Variants in DLG2 observed in about 807,000 individuals in gnomAD.
DLG2 encodes discs large MAGUK scaffold protein 2.
Under a neutral mutation model 132.5 loss-of-function variants are expected in DLG2, and 45 were observed. The ratio of observed to expected loss-of-function variants is 0.34; its 90% CI spans 0.27 to 0.44. The LOEUF (loss-of-function observed/expected upper bound fraction) is 0.44, where lower values mean the gene tolerates loss of function less well. DLG2 is among the 20% of genes least tolerant of loss of function. DLG2 has a pLI of 1.00. For synonymous variants in DLG2, 424 were observed against 419.6 expected, an observed-to-expected ratio of 1.01 and a Z score of -0.13; for missense variants, 1,045 against 1,196.9, an observed-to-expected ratio of 0.87 and a Z score of 1.87.
At chr11:84,980,827 A>G (rs2055632210) in intron 6 of DLG2, among the ~76,000 whole-genome samples, 2 of 152,276 alleles carry the variant, frequency 1.3e-5, no homozygotes, top group South Asian at 2.1e-4. Context: ...AGTTATTTGC[A>G]TATAATGCCT....
chr11:83,517,143 C>T (rs1208115909), intron 21 of DLG2, among the ~76,000 whole-genome samples: 4 of 152,194 alleles, frequency 2.6e-5, no homozygotes, highest in Non-Finnish European at 4.4e-5. Context: ...CCATTCTCCC[C>T]GTCACTTTCA....
intron 19 of DLG2, among the ~76,000 whole-genome samples, chr11:83,603,002 G>T (rs1411074324): frequency 1.3e-5 from 2 of 151,198 alleles, no homozygotes; most frequent in Non-Finnish European, 3.0e-5. Flanking sequence ...TTTGTTTTAG[G>T]GATAAAACCC....
chr11:85,291,456 C>A (rs138428434), intron 3 of DLG2, among the ~76,000 whole-genome samples: 63 of 152,220 alleles, frequency 4.1e-4, no homozygotes, highest in African/African-American at 1.5e-3. Context: ...CTGTACTCTG[C>A]CAACCAGAAA....
At chr11:85,427,091 G>A (rs2153005020) in intron 3 of DLG2, among the ~76,000 whole-genome samples, 1 of 152,284 alleles carries the variant, frequency 6.6e-6, no homozygotes, top group South Asian at 2.1e-4. Context: ...AGAATAAAAA[G>A]AAATGAACAA....
intron 4 of DLG2, among the ~76,000 whole-genome samples, chr11:85,205,911 T>C (rs1210470680): frequency 6.6e-6 from 1 of 152,188 alleles, no homozygotes; most frequent in Non-Finnish European, 1.5e-5. Context: ...TTGCATTCCT[T>C]TACATAATCA....
chr11:84,627,733 C>T (rs138491838), intron 6 of DLG2, among the ~76,000 whole-genome samples: 35 of 152,290 alleles, frequency 2.3e-4, no homozygotes, highest in African/African-American at 7.7e-4. Context: ...AGCATTTGCT[C>T]AGCTTCTGGG....
At chr11:84,343,900 A>G (rs2098527165) in intron 7 of DLG2, among the ~76,000 whole-genome samples, 1 of 152,094 alleles carries the variant, frequency 6.6e-6, no homozygotes, top group Non-Finnish European at 1.5e-5. Context: ...CTGAATACCA[A>G]CTATTTATAT....
chr11:84,919,620 C>T (rs1432579563), intron 6 of DLG2, among the ~76,000 whole-genome samples: 1 of 151,998 alleles, frequency 6.6e-6, no homozygotes, highest in Non-Finnish European at 1.5e-5. Context: ...CTAATACTTG[C>T]AATTCATATT....
chr11:84,520,525 G>A (rs183170371), intron 7 of DLG2, among the ~76,000 whole-genome samples: 2 of 152,234 alleles, frequency 1.3e-5, no homozygotes, highest in African/African-American at 2.4e-5. Context: ...TTGGTTGTTT[G>A]GAAGTCCCAC....
chr11:85,139,914 A>G (rs2076358019), intron 5 of DLG2, among the ~76,000 whole-genome samples: 1 of 152,008 alleles, frequency 6.6e-6, no homozygotes, highest in Admixed American at 6.6e-5. Context: ...AGATTATGCA[A>G]TATTTTCCTT....
At chr11:83,979,833 C>T (rs897341278) in intron 12 of DLG2, among the ~76,000 whole-genome samples, 1 of 152,086 alleles carries the variant, frequency 6.6e-6, no homozygotes, top group African/African-American at 2.4e-5. Flanking sequence ...ATGCAAACCC[C>T]ACCTCTCCAG....
At chr11:84,433,494 A>G (rs549604183) in intron 7 of DLG2, among the ~76,000 whole-genome samples, 1 of 152,354 alleles carries the variant, frequency 6.6e-6, no homozygotes, top group East Asian at 1.9e-4. Flanking sequence ...GAAAGGAATA[A>G]TTATTTGAAT....
chr11:85,044,369 G>A (rs114397205), intron 6 of DLG2, among the ~76,000 whole-genome samples: 269 of 151,808 alleles, frequency 1.8e-3, no homozygotes, highest in African/African-American at 6.1e-3. Flanking sequence ...CCCTTATTAC[G>A]TACACTCTTT....
chr11:85,254,353 T>C (rs189451795), intron 4 of DLG2, among the ~76,000 whole-genome samples: 75 of 152,296 alleles, frequency 4.9e-4, no homozygotes, highest in African/African-American at 1.7e-3. Flanking sequence ...ATAGAGAATA[T>C]AATGTTGCAA....
chr11:84,389,367 C>T (rs184912855), intron 7 of DLG2, among the ~76,000 whole-genome samples: 1 of 151,944 alleles, frequency 6.6e-6, no homozygotes, highest in Admixed American at 6.6e-5. Flanking sequence ...AGTTAAAACT[C>T]CATAAAAACC....
chr11:85,056,258 A>G (rs547087471), intron 6 of DLG2, among the ~76,000 whole-genome samples: 9 of 152,210 alleles, frequency 5.9e-5, no homozygotes, highest in African/African-American at 2.2e-4. Context: ...ATCCTTCACT[A>G]AAAAGTTTAT....
chr11:85,067,116 G>C (rs1053716070), intron 6 of DLG2, among the ~76,000 whole-genome samples: 1 of 151,868 alleles, frequency 6.6e-6, no homozygotes, highest in Non-Finnish European at 1.5e-5. Context: ...ATTTCTTCTA[G>C]ATTTTCTAAT....
At chr11:84,502,384 T>C (rs191745397) in intron 7 of DLG2, among the ~76,000 whole-genome samples, 8 of 94,976 alleles carry the variant, frequency 8.4e-5, no homozygotes, top group African/African-American at 3.5e-4. Flanking sequence ...CTTTCTTTCT[T>C]TCTTTCTTTC....
intron 6 of DLG2, among the ~76,000 whole-genome samples, chr11:84,954,939 A>G (rs2051444462): frequency 6.6e-6 from 1 of 152,186 alleles, no homozygotes; most frequent in Non-Finnish European, 1.5e-5. Flanking sequence ...TTTTCTGTAA[A>G]GGCCAGTTAG....
Sources: gnomAD v4.1 joint callset for allele counts (sites outside exome capture counted in the v4.1 genomes callset) on GRCh38, gnomAD v4.1.1 for gene constraint, MANE v1.5 for transcripts, NCBI Gene and HGNC (gene_info 2026-07-23, HGNC 2026-07-21) for gene names.